RGS8: variants seen among roughly 807,000 people sequenced by gnomAD.
RGS8 encodes the protein regulator of G protein signaling 8, also known as regulator of G-protein signaling 8.
A neutral mutation model predicts 21.7 loss-of-function variants in RGS8; 8 were observed. The ratio of observed to expected loss-of-function variants is 0.37; its 90% CI spans 0.22 to 0.66. The LOEUF (loss-of-function observed/expected upper bound fraction) is 0.66, where lower values mean the gene tolerates loss of function less well. Among genes scored for constraint, RGS8 ranks in the 30% least tolerant of loss-of-function variants. RGS8 has a pLI of 0.59. For synonymous variants in RGS8, 80 were observed against 83.6 expected (o/e 0.96, Z 0.24); for missense variants, 157 against 217.9 (o/e 0.72, Z 1.76).
chr1:182,672,669 AACTC>A, upstream of RGS8: 1 of 865,360 alleles, frequency 1.2e-6, no homozygotes, highest in Non-Finnish European at 1.9e-6. Context: ...CTACAGTAGA[AACTC>A]ACCTCTCTCC....
chr1:182,700,444 G>A, the RGS8 span, among the ~76,000 whole-genome samples: 1 of 152,082 alleles, frequency 6.6e-6, no homozygotes, highest in African/African-American at 2.4e-5. Context: ...CCCCGAAAAC[G>A]TAACCATGAG....
intron 5 of RGS8, among the ~76,000 whole-genome samples, chr1:182,660,329 T>C (rs1331876788): frequency 2.0e-5 from 3 of 152,150 alleles, no homozygotes; most frequent in Non-Finnish European, 4.4e-5. Context: ...TCCAGTTGTT[T>C]TCATTCATAC....
intron 6 of RGS8, among the ~76,000 whole-genome samples, chr1:182,647,851 T>C (rs1440805476): frequency 2.0e-5 from 3 of 152,326 alleles, no homozygotes; most frequent in African/African-American, 4.8e-5. Context: ...AAAATGAACA[T>C]AGACTCGGTA....
intron 5 of RGS8, among the ~76,000 whole-genome samples, chr1:182,651,104 C>G (rs1662992685): frequency 6.6e-6 from 1 of 152,140 alleles, no homozygotes; most frequent in Non-Finnish European, 1.5e-5. Flanking sequence ...GGAATAGAAA[C>G]CCGAGATAAA....
At chr1:182,732,292 C>G in the RGS8 span, among the ~76,000 whole-genome samples, 1 of 151,740 alleles carries the variant, frequency 6.6e-6, no homozygotes, top group African/African-American at 2.4e-5. Flanking sequence ...CACACACACA[C>G]ACACACACAC....
At chr1:182,690,890 C>T in the RGS8 span, among the ~76,000 whole-genome samples, 1 of 152,192 alleles carries the variant, frequency 6.6e-6, no homozygotes, top group Non-Finnish European at 1.5e-5. Flanking sequence ...TGCAAGTAGA[C>T]TTGAAAAGCA....
At chr1:182,667,104 G>A in intron 3 of RGS8, 131 bp from the exon 5 acceptor site, 1 of 715,212 alleles carries the variant, frequency 1.4e-6, no homozygotes, top group Admixed American at 2.1e-5. Flanking sequence ...GGTCTCTGAA[G>A]ACTTCATGAA....
chr1:182,696,041 T>A, the RGS8 span, among the ~76,000 whole-genome samples: 1 of 152,170 alleles, frequency 6.6e-6, no homozygotes. Context: ...ATTAACATAT[T>A]TATTTTGTAC....
At chr1:182,729,975 C>A in the RGS8 span, among the ~76,000 whole-genome samples, 2 of 152,254 alleles carry the variant, frequency 1.3e-5, no homozygotes, top group South Asian at 4.1e-4. Context: ...ATTCCAAACA[C>A]ATCTAAAAAA....
chr1:182,663,542 T>G (rs1162755870), intron 5 of RGS8, among the ~76,000 whole-genome samples: 1 of 152,218 alleles, frequency 6.6e-6, no homozygotes. Flanking sequence ...TGTTTTGTTT[T>G]TTAAGAAACA....
intron 5 of RGS8, among the ~76,000 whole-genome samples, chr1:182,659,096 G>A (rs951116876): frequency 6.6e-6 from 1 of 152,202 alleles, no homozygotes; most frequent in Non-Finnish European, 1.5e-5. Flanking sequence ...GGACATGAGA[G>A]AGCCTATGAT....
chr1:182,679,072 T>C (rs1664459561), intron 1 of RGS8, among the ~76,000 whole-genome samples: 1 of 152,176 alleles, frequency 6.6e-6, no homozygotes, highest in Admixed American at 6.5e-5. Context: ...CCATGGACCC[T>C]CCTTTATGAA....
At chr1:182,699,479 T>G in the RGS8 span, among the ~76,000 whole-genome samples, 3 of 152,336 alleles carry the variant, frequency 2.0e-5, no homozygotes, top group Admixed American at 2.0e-4. Flanking sequence ...CCAAGGCCTT[T>G]CCTAACTCTT....
At position 182,650,958 on chromosome 1, in the gene RGS8, G is replaced by C. The variant is rs75164153; in HGVS notation, c.194-2655C>G. Among the ~76,000 whole-genome samples the C allele has an allele frequency of 9.7e-3, 1,477 of 152,302 alleles. 29 individuals are homozygous for C. The highest frequency in any genetic ancestry group is 0.034 in the African/African-American group (1,398 of 41,558). On this transcript the variant is annotated intron_variant, in intron 5 of 6. Transcript: ENST00000483095. ...AGAATATAATGTAAGGTTACTTCCT[G>C]TCAGGCAGGTGGAAAATAAAATTTT...
the RGS8 span, among the ~76,000 whole-genome samples, chr1:182,742,309 G>A: frequency 2.0e-5 from 3 of 150,832 alleles, no homozygotes; most frequent in African/African-American, 7.3e-5. Flanking sequence ...TGGCCAGGCG[G>A]AGACGCTCCT....
chr1:182,701,336 C>T, the RGS8 span, among the ~76,000 whole-genome samples: 1 of 152,126 alleles, frequency 6.6e-6, no homozygotes, highest in East Asian at 1.9e-4. Flanking sequence ...TTCAGTTCTT[C>T]AATATTGTTA....
chr1:182,697,614 C>T, the RGS8 span, among the ~76,000 whole-genome samples: 1 of 152,212 alleles, frequency 6.6e-6, no homozygotes, highest in African/African-American at 2.4e-5. Flanking sequence ...TTACAAGATG[C>T]TACCGTAACA....
chr1:182,655,479 G>T (rs547992963), intron 5 of RGS8, among the ~76,000 whole-genome samples: 1 of 152,230 alleles, frequency 6.6e-6, no homozygotes, highest in Non-Finnish European at 1.5e-5. Context: ...AGTTAAGGCC[G>T]ACTCGGCAGG....
the RGS8 span, among the ~76,000 whole-genome samples, chr1:182,745,199 T>C: frequency 1.3e-5 from 2 of 152,224 alleles, no homozygotes; most frequent in African/African-American, 2.4e-5. Context: ...CTCACTTATT[T>C]ATGTTGTGTT....
Sources: allele counts gnomAD v4.1 joint callset (sites outside exome capture counted in the v4.1 genomes callset), GRCh38; gene constraint gnomAD v4.1.1; transcripts MANE v1.5; gene names NCBI Gene and HGNC (gene_info 2026-07-23, HGNC 2026-07-21).